PLEKHG1: variants seen among roughly 807,000 people sequenced by gnomAD.
PLEKHG1 encodes the protein pleckstrin homology and RhoGEF domain containing G1, also known as pleckstrin homology domain-containing family G member 1.
Under a neutral mutation model 100.8 loss-of-function variants are expected in PLEKHG1, and 44 were observed. The observed-to-expected ratio is 0.44, with a 90% confidence interval of 0.34 to 0.56. The LOEUF (loss-of-function observed/expected upper bound fraction) is 0.56. Ranked by LOEUF, PLEKHG1 falls within the 20% of genes least tolerant of loss-of-function variation. The pLI, the probability that PLEKHG1 is intolerant of heterozygous loss-of-function variation, is 0.01. For missense variants in PLEKHG1, 1,545 were observed against 1,720.9 expected, an observed-to-expected ratio of 0.90 and a Z score of 1.81; for synonymous variants, 640 against 662.5, an observed-to-expected ratio of 0.97 and a Z score of 0.52.
rs1192397679 is a variant in PLEKHG1 at position 150,600,240 on chromosome 6, A to G, written c.-204+223A>G. Among the ~76,000 whole-genome samples, 3 of 146,024 alleles carry G rather than the reference A, an allele frequency of 2.1e-5. No individual in the cohort carries two copies. The highest frequency in any genetic ancestry group is 2.2e-4 in the South Asian group (1 of 4,502). ...GCGCCGGGGGCACCGCGCGGTGGGG[A>G]CGGAGGGCGCTGGGGGGCGCCGCGT... is the stretch of plus-strand genomic sequence containing the variant. On this transcript the variant is annotated intron_variant, in intron 1 of 3. Coordinates refer to the PLEKHG1 transcript ENST00000367326. The surrounding 1 kb of genome is among the most constrained non-coding windows in gnomAD (Gnocchi z 6.2).
intron 1 of PLEKHG1, among the ~76,000 whole-genome samples, chr6:150,726,400 A>G (rs1709341526): frequency 6.6e-6 from 1 of 152,204 alleles, no homozygotes; most frequent in African/African-American, 2.4e-5. Flanking sequence ...TATACATTAA[A>G]TATGTATAAC....
chr6:150,819,621 A>G (rs1776183819), intron 11 of PLEKHG1, 58 bp from the exon 13 acceptor site: 3 of 883,302 alleles, frequency 3.4e-6, no homozygotes, highest in South Asian at 2.7e-5. Context: ...AGCCATAACC[A>G]TTTTCTGAGA....
Position 150,785,038 on chromosome 6 carries a change from A to AAG in PLEKHG1, c.513-1351_513-1350insGA, listed in dbSNP as rs1187629907. 2.6e-5 allele frequency among the ~76,000 whole-genome samples: 4 copies of AAG among 152,192 alleles called. No homozygotes were observed. The East Asian group carries it at 7.7e-4, about 29-fold the overall frequency. ...TGAGACCCTGTCTCTAAAATTAAAAAAAAAAAAAAGAGAGAGAGAGACATC... is the reference window on the plus strand; with the variant it reads ...TGAGACCCTGTCTCTAAAATTAAAAAAGAAAAAAAAAGAGAGAGAGAGACATC... On this transcript the variant is annotated intron_variant, in intron 3 of 15. Transcript: ENST00000358517.
intron 3 of PLEKHG1, among the ~76,000 whole-genome samples, chr6:150,779,344 G>GTTTGTTTTTTTTTTTTTTTTTTTTTTT (rs1257363893): frequency 3.8e-5 from 4 of 104,536 alleles, no homozygotes; most frequent in Admixed American, 1.1e-4. Flanking sequence ...TTGTCAAGAA[G>GTTTGTTTTTTTTTTTTTTTTTTTTTTT]TTTTTTTTTT....
At chr6:150,777,601 G>C (rs1198740312) in intron 3 of PLEKHG1, among the ~76,000 whole-genome samples, 1 of 150,248 alleles carries the variant, frequency 6.7e-6, no homozygotes, top group Non-Finnish European at 1.5e-5. Flanking sequence ...CCACACTGAT[G>C]CAATCCTGGT....
intron 3 of PLEKHG1, among the ~76,000 whole-genome samples, chr6:150,677,487 A>C (rs1180047308): frequency 1.3e-5 from 2 of 152,106 alleles, no homozygotes; most frequent in Non-Finnish European, 2.9e-5. Context: ...TTCCAGACTC[A>C]ATTCATATGT....
chr6:150,754,540 TGA>T (rs1301594335), intron 2 of PLEKHG1, among the ~76,000 whole-genome samples: 1 of 151,944 alleles, frequency 6.6e-6, no homozygotes, highest in African/African-American at 2.4e-5. Context: ...AAGGCAGCGA[TGA>T]GAGAGAGGAC....
At chr6:150,646,351 C>T (rs1778498066) in intron 2 of PLEKHG1, among the ~76,000 whole-genome samples, 1 of 151,852 alleles carries the variant, frequency 6.6e-6, no homozygotes, top group Admixed American at 6.6e-5. Flanking sequence ...GGCCATGTGC[C>T]AATCCATGAA....
chr6:150,601,550 T>C (rs963604887), intron 1 of PLEKHG1, among the ~76,000 whole-genome samples: 1 of 152,240 alleles, frequency 6.6e-6, no homozygotes, highest in African/African-American at 2.4e-5. Context: ...ATTTTGAGTC[T>C]GGCTTCCCAA....
At chr6:150,639,613 TGAGTGG>T (rs1778165501) in intron 2 of PLEKHG1, among the ~76,000 whole-genome samples, 1 of 151,570 alleles carries the variant, frequency 6.6e-6, no homozygotes, top group Non-Finnish European at 1.5e-5. Context: ...AGCAGGCAGG[TGAGTGG>T]GAACCGATGA....
chr6:150,737,674 G>A lies in PLEKHG1; in HGVS notation c.411+3582G>A, dbSNP rs76779165. Among the ~76,000 whole-genome samples the A allele has an allele frequency of 4.2e-3, 645 of 152,224 alleles. 9 individuals are homozygous for A. Among genetic ancestry groups the A allele is most frequent in the African/African-American group, 0.015 (615 of 41,534 alleles). On this transcript the variant is annotated intron_variant, in intron 2 of 15. Coordinates refer to ENST00000358517, the Ensembl canonical transcript of PLEKHG1. ...ATTTCTAACCTATTTGTATAATGTT[G>A]TAAATGACTTCTCTAATGTTCTCCA...
At chr6:150,619,989 C>T (rs578156282) in intron 1 of PLEKHG1, among the ~76,000 whole-genome samples, 3 of 152,248 alleles carry the variant, frequency 2.0e-5, no homozygotes, top group East Asian at 1.9e-4. Flanking sequence ...TGTTTCCACA[C>T]GTTTTTGTTA....
chr6:150,819,636 C>T (rs370136401), intron 11 of PLEKHG1, 43 bp from the exon 13 acceptor site: 4 of 1,053,322 alleles, frequency 3.8e-6, no homozygotes, highest in South Asian at 1.3e-5. Context: ...CTGAGAAGCC[C>T]CTGACACCAC....
intron 3 of PLEKHG1, among the ~76,000 whole-genome samples, chr6:150,696,178 C>T (rs575648356): frequency 5.9e-5 from 9 of 152,134 alleles, no homozygotes; most frequent in African/African-American, 1.7e-4. Context: ...TCTTAAAGTC[C>T]ACATATCCTT....
chr6:150,757,143 G>A (rs905190488), intron 2 of PLEKHG1, among the ~76,000 whole-genome samples: 6 of 152,084 alleles, frequency 3.9e-5, no homozygotes, highest in Non-Finnish European at 7.4e-5. Flanking sequence ...GATTACAGGC[G>A]CCCACTACCA....
intron 3 of PLEKHG1, among the ~76,000 whole-genome samples, chr6:150,706,941 T>C (rs1423385826): frequency 1.3e-5 from 2 of 149,740 alleles, no homozygotes; most frequent in East Asian, 2.0e-4. Context: ...GATGGGAAGA[T>C]TGGTCTTCTA....
intron 10 of PLEKHG1, among the ~76,000 whole-genome samples, chr6:150,814,442 T>C (rs1787736590): frequency 6.6e-6 from 1 of 152,258 alleles, no homozygotes; most frequent in African/African-American, 2.4e-5. Flanking sequence ...GTCGATCCTT[T>C]CTATCTAAAA....
intron 15 of PLEKHG1, among the ~76,000 whole-genome samples, chr6:150,838,325 C>G (rs1296381619): frequency 6.6e-6 from 1 of 152,208 alleles, no homozygotes; most frequent in Non-Finnish European, 1.5e-5. Flanking sequence ...TGGCCCACAG[C>G]TGCATGCAGC....
At chr6:150,677,142 T>C (rs1779783101) in intron 3 of PLEKHG1, among the ~76,000 whole-genome samples, 1 of 152,178 alleles carries the variant, frequency 6.6e-6, no homozygotes, top group Non-Finnish European at 1.5e-5. Flanking sequence ...CATTGAGAGT[T>C]GTCTTTTCAA....
Sources: allele counts gnomAD v4.1 joint callset (sites outside exome capture counted in the v4.1 genomes callset), GRCh38; gene constraint gnomAD v4.1.1; non-coding constraint Gnocchi (gnomAD v3.1); transcripts MANE v1.5; gene names NCBI Gene and HGNC (gene_info 2026-07-23, HGNC 2026-07-21).